CSMD1: variants seen among roughly 807,000 people sequenced by gnomAD.
The protein encoded by CSMD1 is CUB and sushi domain-containing protein 1.
A neutral mutation model predicts 417.5 loss-of-function variants in CSMD1; 213 were observed. The ratio of observed to expected loss-of-function variants is 0.51; its 90% CI spans 0.46 to 0.57. The LOEUF is 0.57. Among genes scored for constraint, CSMD1 ranks in the 20% least tolerant of loss-of-function variants. The probability of loss-of-function intolerance (pLI) is 0.00; values close to 1 mark genes in which losing one functional copy is unlikely to be tolerated. For missense variants in CSMD1, 6,923 were observed against 4,529.7 expected (o/e 1.53, Z -15.17); for synonymous variants, 2,862 against 1,736.8 (o/e 1.65, Z -16.11).
intron 7 of CSMD1, among the ~76,000 whole-genome samples, chr8:3,688,721 A>G (rs971465985): frequency 6.6e-5 from 10 of 152,204 alleles, no homozygotes; most frequent in African/African-American, 9.6e-5. Flanking sequence ...TCCTCAATTA[A>G]AAAATATTTA....
intron 5 of CSMD1, among the ~76,000 whole-genome samples, chr8:3,862,853 G>A (rs1344406450): frequency 6.6e-6 from 1 of 152,064 alleles, no homozygotes; most frequent in Admixed American, 6.5e-5. Flanking sequence ...AAAATCTCTT[G>A]GTCATTAGTT....
intron 10 of CSMD1, among the ~76,000 whole-genome samples, chr8:3,535,708 T>C (rs1798167265): frequency 6.6e-6 from 1 of 152,252 alleles, no homozygotes; most frequent in Admixed American, 6.5e-5. Context: ...CTCATTGCTT[T>C]TTTGTTAATC....
Position 3,839,144 on chromosome 8 carries a change from G to C in CSMD1, c.819-85102C>G, listed in dbSNP as rs973332863. ...TGTATACTCTCTCTAGATATATATA[G>C]TCTATATATCTATAGTCCCTCTCTC... On this transcript the variant is annotated intron_variant, in intron 5 of 69. Transcript: ENST00000635120. Among the ~76,000 whole-genome samples, 266 of 122,850 alleles carry C rather than the reference G, an allele frequency of 2.2e-3. 1 individual carries two copies. The highest frequency in any genetic ancestry group is 7.9e-3 in the African/African-American group (259 of 32,738). 80.6% of individuals were successfully genotyped at this position (122,850 alleles called of 152,430 possible). A position where few individuals can be genotyped will look rare whatever the true frequency, so the allele number is the denominator to read the frequency against.
chr8:3,770,811 T>A (rs1798526307), intron 5 of CSMD1, among the ~76,000 whole-genome samples: 1 of 152,126 alleles, frequency 6.6e-6, no homozygotes, highest in African/African-American at 2.4e-5. Context: ...AACCATTATA[T>A]ATTTAGCAGC....
At chr8:3,524,062 T>G (rs1418386538) in intron 10 of CSMD1, among the ~76,000 whole-genome samples, 2 of 106,652 alleles carry the variant, frequency 1.9e-5, no homozygotes, top group African/African-American at 3.3e-5. Flanking sequence ...TGCACACACA[T>G]GCACACACTT....
At chr8:2,999,353 G>T (rs1807195246) in intron 53 of CSMD1, among the ~76,000 whole-genome samples, 1 of 151,900 alleles carries the variant, frequency 6.6e-6, no homozygotes, top group African/African-American at 2.4e-5. Context: ...ATGGGGTTTT[G>T]CCATCGGCCA....
At chr8:4,764,512 G>A (rs1216717502) in intron 1 of CSMD1, among the ~76,000 whole-genome samples, 1 of 152,012 alleles carries the variant, frequency 6.6e-6, no homozygotes, top group Non-Finnish European at 1.5e-5. Flanking sequence ...TCCAAGGAAT[G>A]GAATTCTTCA....
At chr8:3,335,804 G>A (rs975722884) in intron 23 of CSMD1, among the ~76,000 whole-genome samples, 6 of 152,138 alleles carry the variant, frequency 3.9e-5, no homozygotes, top group South Asian at 2.1e-4. Context: ...CAACAAATCT[G>A]CACAGTGCTT....
chr8:3,055,226 A>G (rs1563287149), intron 49 of CSMD1, among the ~76,000 whole-genome samples: 1 of 152,214 alleles, frequency 6.6e-6, no homozygotes, highest in African/African-American at 2.4e-5. Context: ...AGATCTTTAT[A>G]GCCCCTTCTG....
chr8:3,915,027 C>T (rs1173499218), intron 5 of CSMD1, among the ~76,000 whole-genome samples: 1 of 152,090 alleles, frequency 6.6e-6, no homozygotes, highest in Non-Finnish European at 1.5e-5. Context: ...TGAGGAGATT[C>T]TACAAACACA....
intron 54 of CSMD1, among the ~76,000 whole-genome samples, chr8:2,984,491 G>C (rs1805695293): frequency 6.6e-6 from 1 of 152,072 alleles, no homozygotes; most frequent in Non-Finnish European, 1.5e-5. Flanking sequence ...TGTGATTACA[G>C]GCATCCGCCA....
intron 26 of CSMD1, among the ~76,000 whole-genome samples, chr8:3,245,962 A>C (rs1799854921): frequency 6.6e-6 from 1 of 151,942 alleles, no homozygotes; most frequent in South Asian, 2.1e-4. Flanking sequence ...TTTTTTCTCT[A>C]TTACTTTTGT....
chr8:4,502,126 T>A (rs1440783498), intron 2 of CSMD1, among the ~76,000 whole-genome samples: 1 of 152,156 alleles, frequency 6.6e-6, no homozygotes, highest in African/African-American at 2.4e-5. Flanking sequence ...AATTTCTAAT[T>A]ATGGGTTATA....
intron 8 of CSMD1, among the ~76,000 whole-genome samples, chr8:3,601,507 C>G (rs1228663058): frequency 1.3e-5 from 2 of 152,168 alleles, no homozygotes; most frequent in African/African-American, 2.4e-5. Context: ...CCAATGGTTA[C>G]CAACCTCGCT....
chr8:4,720,312 C>A (rs1460297357), intron 1 of CSMD1, among the ~76,000 whole-genome samples: 1 of 152,086 alleles, frequency 6.6e-6, no homozygotes, highest in Non-Finnish European at 1.5e-5. Context: ...ATTCCTTCTT[C>A]TCAAAATCTA....
At chr8:3,909,707 C>T (rs1808333118) in intron 5 of CSMD1, among the ~76,000 whole-genome samples, 2 of 152,086 alleles carry the variant, frequency 1.3e-5, no homozygotes, top group African/African-American at 2.4e-5. Flanking sequence ...GAAATTCTTG[C>T]GGCTTGTGTA....
At chr8:3,781,664 G>C (rs1310149648) in intron 5 of CSMD1, among the ~76,000 whole-genome samples, 1 of 152,154 alleles carries the variant, frequency 6.6e-6, no homozygotes, top group Non-Finnish European at 1.5e-5. Context: ...TGAATGGCAG[G>C]TGCCTAGGTT....
intron 3 of CSMD1, among the ~76,000 whole-genome samples, chr8:4,214,371 C>G (rs1175425743): frequency 6.6e-6 from 1 of 152,180 alleles, no homozygotes; most frequent in Non-Finnish European, 1.5e-5. Context: ...GATCTTGGCT[C>G]ACTGCAACCT....
At chr8:4,125,399 C>T (rs1467691419) in intron 3 of CSMD1, among the ~76,000 whole-genome samples, 1 of 152,178 alleles carries the variant, frequency 6.6e-6, no homozygotes, top group African/African-American at 2.4e-5. Context: ...GTTGTCCCAC[C>T]TTTCTGGACG....
Sources: allele counts gnomAD v4.1 joint callset (sites outside exome capture counted in the v4.1 genomes callset), GRCh38; gene constraint gnomAD v4.1.1; transcripts MANE v1.5; gene names NCBI Gene and HGNC (gene_info 2026-07-23, HGNC 2026-07-21).